The following DNM3 variants were observed in gnomAD, a reference collection of about 807,000 sequenced individuals.
DNM3 encodes the protein dynamin-3.
DNM3 carries 47 observed loss-of-function variants against 101.6 expected under a neutral mutation model. The observed-to-expected ratio is 0.46, with a 90% CI of 0.37 to 0.59. The LOEUF is 0.59. Ranked by LOEUF, DNM3 falls within the 20% of genes least tolerant of loss-of-function variation. The probability of loss-of-function intolerance (pLI) is 0.00; values close to 1 mark genes in which losing one functional copy is unlikely to be tolerated. For synonymous variants in DNM3, 385 were observed against 387.9 expected (o/e 0.99, Z 0.09); for missense variants, 849 against 1,085.7 (o/e 0.78, Z 3.06).
chr1:171,895,634 T>G (rs2037716252), intron 1 of DNM3, among the ~76,000 whole-genome samples: 1 of 152,142 alleles, frequency 6.6e-6, no homozygotes, highest in Admixed American at 6.5e-5. Flanking sequence ...CAGAAGCTCT[T>G]TAGTTTAATT....
chr1:172,308,629 T>G, intron 15 of DNM3, 99 bp from the exon 16 acceptor site: 1 of 496,664 alleles, frequency 2.0e-6, no homozygotes, highest in Non-Finnish European at 3.3e-6. Context: ...AAACTGTCCA[T>G]TTGGATTGTC....
chr1:171,880,005 C>T (rs182308044), intron 1 of DNM3, among the ~76,000 whole-genome samples: 53 of 152,222 alleles, frequency 3.5e-4, no homozygotes, highest in Admixed American at 7.2e-4. Flanking sequence ...AATGGTGAAA[C>T]CTAAATTGTG....
chr1:172,270,048 T>C (rs563380665), intron 15 of DNM3, among the ~76,000 whole-genome samples: 2 of 152,238 alleles, frequency 1.3e-5, no homozygotes, highest in South Asian at 2.1e-4. Flanking sequence ...ACATGTAGAA[T>C]ATAGTAAGAA....
chr1:172,129,770 T>C (rs2056834914), intron 13 of DNM3, among the ~76,000 whole-genome samples: 1 of 152,130 alleles, frequency 6.6e-6, no homozygotes, highest in African/African-American at 2.4e-5. Context: ...GAGTTAAAAG[T>C]TAAGATGAGA....
chr1:172,253,008 T>C (rs1453160422), intron 14 of DNM3, among the ~76,000 whole-genome samples: 1 of 152,270 alleles, frequency 6.6e-6, no homozygotes, highest in East Asian at 1.9e-4. Flanking sequence ...GTACTTTTTA[T>C]GCTTTATCAT....
chr1:172,086,268 A>G (rs368067693), intron 12 of DNM3, among the ~76,000 whole-genome samples: 128 of 152,256 alleles, frequency 8.4e-4, no homozygotes, highest in African/African-American at 3.0e-3. Flanking sequence ...ATCCTGGAGG[A>G]GAAACGGACA....
intron 12 of DNM3, among the ~76,000 whole-genome samples, chr1:172,083,056 C>T (rs2053270485): frequency 6.6e-6 from 1 of 152,238 alleles, no homozygotes; most frequent in Non-Finnish European, 1.5e-5. Flanking sequence ...ACACCCACTT[C>T]TTGATAGGTA....
intron 1 of DNM3, among the ~76,000 whole-genome samples, chr1:171,897,002 C>T (rs906100063): frequency 6.6e-6 from 1 of 152,066 alleles, no homozygotes; most frequent in African/African-American, 2.4e-5. Flanking sequence ...TCTTTTGGAC[C>T]ATCTTAAAGT....
chr1:172,237,036 G>A (rs543025922), intron 14 of DNM3, among the ~76,000 whole-genome samples: 13 of 152,002 alleles, frequency 8.6e-5, no homozygotes, highest in Admixed American at 2.0e-4. Flanking sequence ...TTTAGTTTGC[G>A]CCACACAACT....
At chr1:172,199,362 C>A (rs2060068555) in intron 14 of DNM3, among the ~76,000 whole-genome samples, 1 of 151,862 alleles carries the variant, frequency 6.6e-6, no homozygotes, top group African/African-American at 2.4e-5. Context: ...TGCCCTGTAG[C>A]AAGGAGAAGA....
intron 20 of DNM3, among the ~76,000 whole-genome samples, chr1:172,400,784 T>C (rs542661983): frequency 1.2e-4 from 18 of 152,330 alleles, no homozygotes; most frequent in Admixed American, 6.5e-4. Context: ...GTATTTGTGA[T>C]AAAGAATAAG....
At chr1:172,028,596 G>C (rs1054708406) in intron 4 of DNM3, among the ~76,000 whole-genome samples, 1 of 151,950 alleles carries the variant, frequency 6.6e-6, no homozygotes, top group African/African-American at 2.4e-5. Flanking sequence ...ATAGAAACAC[G>C]AAAACCCCTT....
chr1:172,395,752 A>G (rs546985432), intron 20 of DNM3, among the ~76,000 whole-genome samples: 2 of 152,192 alleles, frequency 1.3e-5, no homozygotes, highest in Non-Finnish European at 2.9e-5. Flanking sequence ...GTCGGGGGGA[A>G]CCCCTGAATC....
Position 172,411,209 on chromosome 1 carries a change from AT to A in DNM3, c.*3369del, listed in dbSNP as rs1187532406. 2.0e-6 allele frequency: 2 copies of A among 985,192 alleles called. No homozygotes were observed. The highest frequency in any genetic ancestry group is 2.4e-6 in the Non-Finnish European group (2 of 829,798). 61.0% of individuals were successfully genotyped at this position (985,192 alleles called of 1,614,324 possible). A position where few individuals can be genotyped will look rare whatever the true frequency, so the allele number is the denominator to read the frequency against. Reference sequence around the variant, plus strand: ...AACAGATAGCTTTGAATGATCTGCCATAACATGTGGTAACAATAGTTCATTT... The same window carrying A: ...AACAGATAGCTTTGAATGATCTGCCAAACATGTGGTAACAATAGTTCATTT... On this transcript the variant is annotated 3_prime_UTR_variant, in exon 21 of 21. Transcript: ENST00000627582.
At chr1:171,903,198 T>C (rs1339148098) in intron 1 of DNM3, among the ~76,000 whole-genome samples, 4 of 151,846 alleles carry the variant, frequency 2.6e-5, no homozygotes, top group Non-Finnish European at 5.9e-5. Context: ...AGGGTTTAAT[T>C]AGGGGTGAAA....
At chr1:172,093,585 C>T (rs1391584941) in intron 13 of DNM3, 10 of 842,810 alleles carry the variant, frequency 1.2e-5, no homozygotes, top group Admixed American at 3.2e-5. Context: ...CAAATTGAAA[C>T]CTCTGCTCTA....
Position 172,379,016 on chromosome 1 carries a change from A to C in DNM3, c.1894-2A>C, listed in dbSNP as rs1471884136. ...TCCATGGTTTGTTTTCTCTTCTTTT[A>C]GGCTGAAAATGATGAGAATGGACAA... On this transcript the variant is annotated splice_acceptor_variant, in intron 17 of 20. Coordinates refer to ENST00000627582, the MANE Select transcript of DNM3 (RefSeq NM_015569.5). LOFTEE classifies it high-confidence loss of function. 9 of 1,608,110 alleles carry C rather than the reference A, an allele frequency of 5.6e-6. No homozygotes were observed. The highest frequency in any genetic ancestry group is 7.6e-6 in the Non-Finnish European group (9 of 1,177,508).
At chr1:171,848,926 T>A (rs752565864) in intron 1 of DNM3, among the ~76,000 whole-genome samples, 1 of 152,332 alleles carries the variant, frequency 6.6e-6, no homozygotes. Flanking sequence ...ATATCCCTGC[T>A]GCAAGTCCTC....
At chr1:171,996,546 T>A (rs2046008558) in intron 4 of DNM3, among the ~76,000 whole-genome samples, 1 of 152,056 alleles carries the variant, frequency 6.6e-6, no homozygotes, top group Non-Finnish European at 1.5e-5. Context: ...CTCTGCTAGG[T>A]GCCTTATTAA....
Sources: allele counts gnomAD v4.1 joint callset (sites outside exome capture counted in the v4.1 genomes callset), GRCh38; gene constraint gnomAD v4.1.1; transcripts MANE v1.5; gene names NCBI Gene and HGNC (gene_info 2026-07-23, HGNC 2026-07-21).